ARPC2: variants seen among roughly 807,000 people sequenced by gnomAD.
ARPC2 encodes actin related protein 2/3 complex subunit 2.
Under a neutral mutation model 38.6 loss-of-function variants are expected in ARPC2, and 4 were observed. The ratio of observed to expected loss-of-function variants is 0.10; its 90% CI spans 0.05 to 0.24. ARPC2 has a LOEUF of 0.24. ARPC2 is among the 10% of genes least tolerant of loss of function. ARPC2 has a pLI of 1.00. For synonymous variants in ARPC2, 125 were observed against 140.8 expected (o/e 0.89, Z 0.79); for missense variants, 229 against 387.3 (o/e 0.59, Z 3.43).
chr2:218,247,682 G>C (rs1354536222), intron 8 of ARPC2, among the ~76,000 whole-genome samples: 1 of 151,932 alleles, frequency 6.6e-6, no homozygotes, highest in Admixed American at 6.6e-5. Flanking sequence ...GGTGGCTCAC[G>C]CCTGTAATCC....
At chr2:218,230,009 G>A (rs934472025) in intron 4 of ARPC2, among the ~76,000 whole-genome samples, 5 of 150,754 alleles carry the variant, frequency 3.3e-5, no homozygotes, top group Admixed American at 6.6e-5. Flanking sequence ...TCACTCTGTT[G>A]CCCCAGGCTG....
chr2:218,247,108 G>C (rs1052277592), intron 8 of ARPC2, among the ~76,000 whole-genome samples: 4 of 152,174 alleles, frequency 2.6e-5, no homozygotes, highest in Middle Eastern at 3.2e-3. Context: ...CTGGGTGGCA[G>C]AGTGAGACCC....
At position 218,217,451 on chromosome 2, in the gene ARPC2, C is replaced by T. The variant is rs1689278478; in HGVS notation, c.-8-12C>T. ...CCTCACCGGCCCTTGTTTCTCCTTC[C>T]CCTGGGGGCAGCCGCCGCCATGATC... On this transcript the variant is annotated splice_polypyrimidine_tract_variant and intron_variant, in intron 1 of 10. Transcript: ENST00000315717. The T allele has an allele frequency of 2.5e-6, 4 of 1,613,686 alleles. No homozygotes were observed. The highest frequency in any genetic ancestry group is 2.7e-5 in the African/African-American group (2 of 75,050).
chr2:218,228,897 C>T (rs1435565723), intron 4 of ARPC2, 47 bp downstream of exon 4: 1 of 1,283,236 alleles, frequency 7.8e-7, no homozygotes, highest in Non-Finnish European at 1.1e-6. Context: ...CCTCACCTTT[C>T]ATTGGCAGTT....
In ARPC2 at chr2:218,240,642, A is replaced by G. The variant is rs370320766; in HGVS notation, c.549+1158A>G. Reference sequence around the variant, plus strand: ...CGCGGTGGCTGACGCCTGTAATCCCAGCACTGTGGGAGGCCGAGGTGGGCG... The same window carrying G: ...CGCGGTGGCTGACGCCTGTAATCCCGGCACTGTGGGAGGCCGAGGTGGGCG... On this transcript the variant is annotated intron_variant, in intron 7 of 10. Transcript: ENST00000315717. Among the ~76,000 whole-genome samples, 23 of 152,270 alleles carry G rather than the reference A, an allele frequency of 1.5e-4. 1 individual carries two copies. The highest frequency in any genetic ancestry group is 4.8e-4 in the African/African-American group (20 of 41,552).
chr2:218,248,366 G>C (rs13430006), intron 8 of ARPC2, among the ~76,000 whole-genome samples: 2 of 152,042 alleles, frequency 1.3e-5, no homozygotes, highest in South Asian at 2.1e-4. Flanking sequence ...TTTGCAGATA[G>C]TGAGTAGAGG....
At chr2:218,231,744 G>A (rs1162206848) in intron 4 of ARPC2, among the ~76,000 whole-genome samples, 1 of 152,166 alleles carries the variant, frequency 6.6e-6, no homozygotes, top group East Asian at 1.9e-4. Flanking sequence ...AGAAAATGTA[G>A]TCTTGCAGGT....
intron 10 of ARPC2, among the ~76,000 whole-genome samples, chr2:218,252,501 C>T (rs768483843): frequency 1.5e-4 from 23 of 152,208 alleles, no homozygotes; most frequent in East Asian, 9.7e-4. Flanking sequence ...CTTTTCTCAC[C>T]GGGTACTTGT....
At position 218,238,691 on chromosome 2, in the gene ARPC2, T is replaced by C; in HGVS notation, c.296T>C (p.Leu99Pro). The part of the protein sequence containing the change: ...SGYNVSLLYD[L>P]ENLPASKDSI... ...TACAATGTCTCTTTGCTATATGACC[T>C]TGAAAATCTTCCGGCATCCAAGGAT... The change falls in exon 6 of 11, where the codon CTT (leucine) becomes CCT (proline). Residue 99 changes from leucine (L) to proline (P), a missense_variant. By Grantham distance (98) the Leu-to-Pro change is moderately conservative. Around this residue, in one of 3 missense-constraint regions of ARPC2, gnomAD observed 135 missense variants for 214.1 expected, o/e 0.63. Transcript: ENST00000315717. 6.2e-7 allele frequency: 1 copy of C among 1,612,898 alleles called. No homozygotes were observed.
intron 8 of ARPC2, among the ~76,000 whole-genome samples, chr2:218,246,441 A>G (rs1690033909): frequency 6.6e-6 from 1 of 152,026 alleles, no homozygotes; most frequent in East Asian, 1.9e-4. Context: ...GAGGCACAAG[A>G]ATCCCTTGGA....
At chr2:218,240,945 TGG>T (rs1689899003) in intron 7 of ARPC2, among the ~76,000 whole-genome samples, 2 of 152,154 alleles carry the variant, frequency 1.3e-5, no homozygotes, top group African/African-American at 4.8e-5. Flanking sequence ...ATTGGATTTT[TGG>T]TGTAGTTGCA....
intron 5 of ARPC2, chr2:218,235,121 A>G: frequency 3.3e-6 from 1 of 302,728 alleles, no homozygotes; most frequent in Non-Finnish European, 6.5e-6. Flanking sequence ...AAGTCTTCTA[A>G]GAAGGAAGTT....
chr2:218,228,679 T>A, intron 3 of ARPC2, 59 bp from the exon 4 acceptor site: 1 of 1,093,688 alleles, frequency 9.1e-7, no homozygotes. Flanking sequence ...AGGTAGGCGC[T>A]TGGAGAGATT....
At chr2:218,226,860 G>T (rs188372237) in intron 3 of ARPC2, 263 of 212,300 alleles carry the variant, frequency 1.2e-3, no homozygotes, top group Non-Finnish European at 2.3e-3. Flanking sequence ...TCAAGTAGCT[G>T]TCAGTCTTAG....
chr2:218,220,882 G>A (rs1187352578), intron 2 of ARPC2, among the ~76,000 whole-genome samples: 1 of 152,068 alleles, frequency 6.6e-6, no homozygotes, highest in African/African-American at 2.4e-5. Flanking sequence ...ATAATTATTG[G>A]TAAATTGTCT....
intron 4 of ARPC2, among the ~76,000 whole-genome samples, chr2:218,231,428 G>A (rs1159535337): frequency 2.6e-5 from 4 of 152,176 alleles, no homozygotes; most frequent in Non-Finnish European, 4.4e-5. Flanking sequence ...GGGACTTAGG[G>A]ATTTAAACTA....
At position 218,254,024 on chromosome 2, in the gene ARPC2, C is replaced by T. The variant is rs773850659; in HGVS notation, c.*109C>T. On this transcript the variant is annotated 3_prime_UTR_variant, in exon 11 of 11. Transcript: ENST00000315717. The stretch of plus-strand genomic sequence containing the variant: ...CTCTTCAGGTTCTTAAGGGATTCTC[C>T]GTTTTGGTTCCATTTTGTACACGTT... 4 of 1,463,624 alleles carry T rather than the reference C, an allele frequency of 2.7e-6. No individual in the cohort carries two copies. Among genetic ancestry groups the T allele is most frequent in the Admixed American group, 1.9e-5 (1 of 53,358 alleles). 90.7% of individuals were successfully genotyped at this position (1,463,624 alleles called of 1,614,324 possible).
chr2:218,245,723 A>T (rs1315851125), intron 8 of ARPC2, among the ~76,000 whole-genome samples, 177 bp downstream of exon 8: 1 of 152,162 alleles, frequency 6.6e-6, no homozygotes, highest in Non-Finnish European at 1.5e-5. Flanking sequence ...TTAATTACAG[A>T]GCAGGCCATA....
In ARPC2 at chr2:218,245,553, A is replaced by T. The variant is rs1187097019; in HGVS notation, c.676+7A>T. ...ATTGGCTACATTACCTTTGGTGAGC[A>T]GGGTGCACTTGCTGCTTTTGTGCCG... is the stretch of plus-strand genomic sequence containing the variant. On this transcript the variant is annotated splice_region_variant and intron_variant, in intron 8 of 10. Transcript: ENST00000315717. The T allele has an allele frequency of 6.2e-7, 1 of 1,614,058 alleles. No homozygotes were observed. Among genetic ancestry groups the T allele is most frequent in the Non-Finnish European group, 8.5e-7 (1 of 1,179,950 alleles).
Sources: gnomAD v4.1 joint callset for allele counts (sites outside exome capture counted in the v4.1 genomes callset) on GRCh38, gnomAD v4.1.1 for gene constraint, gnomAD v4.1.1 regional missense constraint, MANE v1.5 for transcripts, NCBI Gene and HGNC (gene_info 2026-07-23, HGNC 2026-07-21) for gene names.